The following TENM3 variants were observed in gnomAD, a reference collection of about 807,000 sequenced individuals.
The protein encoded by TENM3 is teneurin-3.
In TENM3, 63 loss-of-function variants were observed where a neutral mutation model predicts 255.1. The ratio of observed to expected loss-of-function variants is 0.25; its 90% CI spans 0.20 to 0.30. The LOEUF (loss-of-function observed/expected upper bound fraction) is 0.30. Among genes scored for constraint, TENM3 ranks in the 10% least tolerant of loss-of-function variants. The pLI, the probability that TENM3 is intolerant of heterozygous loss-of-function variation, is 1.00. For missense variants in TENM3, 2,929 were observed against 3,461.1 expected (o/e 0.85, Z 3.86); for synonymous variants, 1,306 against 1,322.3 (o/e 0.99, Z 0.27).
the TENM3 span, among the ~76,000 whole-genome samples, chr4:181,572,045 C>T: frequency 6.6e-6 from 1 of 152,068 alleles, no homozygotes; most frequent in Admixed American, 6.6e-5. Context: ...ATATTTTATC[C>T]TTAGAGATGC....
At chr4:182,646,982 T>C (rs1752810132) in intron 5 of TENM3, among the ~76,000 whole-genome samples, 1 of 152,194 alleles carries the variant, frequency 6.6e-6, no homozygotes, top group South Asian at 2.1e-4. Context: ...ATCCTGATTC[T>C]GTAAGTAAGC....
At chr4:182,419,522 A>G (rs1420336046) in intron 3 of TENM3, among the ~76,000 whole-genome samples, 2 of 152,212 alleles carry the variant, frequency 1.3e-5, no homozygotes, top group Non-Finnish European at 2.9e-5. Context: ...ATTACTGGGC[A>G]TATACCCAAA....
the TENM3 span, among the ~76,000 whole-genome samples, chr4:181,793,062 C>T: frequency 1.7e-3 from 251 of 152,004 alleles, no homozygotes; most frequent in African/African-American, 5.6e-3. Flanking sequence ...TTGAGAGAGA[C>T]GCTAAGATTT....
At chr4:181,500,664 T>C in the TENM3 span, among the ~76,000 whole-genome samples, 1 of 152,208 alleles carries the variant, frequency 6.6e-6, no homozygotes, top group Non-Finnish European at 1.5e-5. Flanking sequence ...ATAATCCACT[T>C]TGCGCTCAAA....
chr4:182,471,620 C>A (rs1733128337), intron 3 of TENM3, among the ~76,000 whole-genome samples: 1 of 137,482 alleles, frequency 7.3e-6, no homozygotes, highest in Non-Finnish European at 1.6e-5. Context: ...TTATGTGGCA[C>A]ATGCCTCTGT....
intron 3 of TENM3, among the ~76,000 whole-genome samples, chr4:182,433,718 TA>T (rs1771834759): frequency 6.6e-6 from 1 of 152,186 alleles, no homozygotes; most frequent in Admixed American, 6.5e-5. Flanking sequence ...AATATGTCAT[TA>T]GGAAGATTTA....
the TENM3 span, among the ~76,000 whole-genome samples, chr4:182,007,936 C>T: frequency 6.6e-6 from 1 of 152,298 alleles, no homozygotes; most frequent in South Asian, 2.1e-4. Flanking sequence ...CAAAATCCCC[C>T]AGCATTTGCC....
chr4:181,880,634 T>C, the TENM3 span, among the ~76,000 whole-genome samples: 2 of 152,064 alleles, frequency 1.3e-5, no homozygotes, highest in Non-Finnish European at 1.5e-5. Flanking sequence ...TGCAGGAAAA[T>C]TGTCAACAAC....
At chr4:182,210,178 G>C (rs1311162806) in intron 1 of TENM3, among the ~76,000 whole-genome samples, 1 of 152,104 alleles carries the variant, frequency 6.6e-6, no homozygotes, top group Non-Finnish European at 1.5e-5. Flanking sequence ...CGGATGGACG[G>C]TCACACCGAC....
chr4:181,506,480 A>G, the TENM3 span, among the ~76,000 whole-genome samples: 4 of 152,146 alleles, frequency 2.6e-5, no homozygotes, highest in African/African-American at 9.7e-5. Context: ...CTGGGAAAAA[A>G]TATCATCTAA....
chr4:181,664,740 G>T, the TENM3 span, among the ~76,000 whole-genome samples: 1 of 152,012 alleles, frequency 6.6e-6, no homozygotes, highest in East Asian at 1.9e-4. Context: ...TTGGCGGCCC[G>T]TGATGTCCAT....
chr4:181,950,272 T>A, the TENM3 span, among the ~76,000 whole-genome samples: 1 of 152,042 alleles, frequency 6.6e-6, no homozygotes, highest in East Asian at 2.0e-4. Flanking sequence ...TTCCTTTATC[T>A]ACCCAAATCC....
intron 1 of TENM3, among the ~76,000 whole-genome samples, chr4:182,304,247 C>T (rs2150383279): frequency 6.6e-6 from 1 of 151,862 alleles, no homozygotes; most frequent in Admixed American, 6.6e-5. Flanking sequence ...CAGTCTTGCT[C>T]TGTTGCCCAG....
the TENM3 span, among the ~76,000 whole-genome samples, chr4:181,890,215 A>G: frequency 6.6e-6 from 1 of 152,232 alleles, no homozygotes; most frequent in African/African-American, 2.4e-5. Context: ...AATGCAAGAC[A>G]TCAGCCACCA....
the TENM3 span, among the ~76,000 whole-genome samples, chr4:181,797,145 T>G: frequency 0.031 from 4,466 of 144,286 alleles, 119 homozygotes; most frequent in African/African-American, 0.079. Flanking sequence ...AAAGGGAGGG[T>G]TTTTTTTTTA....
intron 4 of TENM3, among the ~76,000 whole-genome samples, chr4:182,610,965 T>C (rs1748943283): frequency 6.6e-6 from 1 of 151,352 alleles, no homozygotes; most frequent in Non-Finnish European, 1.5e-5. Flanking sequence ...CAGGCTGGTC[T>C]CAAACTCCTA....
At chr4:181,520,764 G>T in the TENM3 span, among the ~76,000 whole-genome samples, 1 of 152,214 alleles carries the variant, frequency 6.6e-6, no homozygotes, top group Non-Finnish European at 1.5e-5. Flanking sequence ...ATAATATCAG[G>T]CACCAAATGC....
intron 1 of TENM3, among the ~76,000 whole-genome samples, chr4:182,269,295 A>C (rs1194174265): frequency 6.6e-6 from 1 of 152,228 alleles, no homozygotes; most frequent in Admixed American, 6.5e-5. Flanking sequence ...CTAAACCCTG[A>C]AAGGGATTCA....
intron 1 of TENM3, among the ~76,000 whole-genome samples, chr4:182,192,583 G>A (rs1214928496): frequency 1.3e-5 from 2 of 152,184 alleles, no homozygotes; most frequent in Non-Finnish European, 2.9e-5. Flanking sequence ...TTATTCTTGG[G>A]ATAGTTTGGC....
Sources: allele counts gnomAD v4.1 joint callset (sites outside exome capture counted in the v4.1 genomes callset), GRCh38; gene constraint gnomAD v4.1.1; transcripts MANE v1.5; gene names NCBI Gene and HGNC (gene_info 2026-07-23, HGNC 2026-07-21).